The following MASP2 variants were observed in gnomAD, a reference collection of about 807,000 sequenced individuals.
MASP2 encodes the protein mannan-binding lectin serine protease 2.
A neutral mutation model predicts 57.1 loss-of-function variants in MASP2; 49 were observed. That is an observed-to-expected ratio of 0.86 (90% confidence interval 0.68 to 1.09). MASP2 has a LOEUF of 1.09. MASP2 is among the 50% of genes least tolerant of loss of function. The probability of loss-of-function intolerance (pLI) is 0.00; values close to 1 mark genes in which losing one functional copy is unlikely to be tolerated. For synonymous variants in MASP2, 379 were observed against 340.8 expected (o/e 1.11, Z -1.24); for missense variants, 900 against 874.8 (o/e 1.03, Z -0.36).
At chr1:11,041,631 A>G (rs1638443511) in intron 6 of MASP2, among the ~76,000 whole-genome samples, 1 of 147,460 alleles carries the variant, frequency 6.8e-6, no homozygotes, top group Non-Finnish European at 1.5e-5. Flanking sequence ...GGATGGATGG[A>G]TGGATGGAAT....
intron 3 of MASP2, chr1:11,046,197 GA>G (rs1398580202): frequency 2.9e-6 from 1 of 347,870 alleles, no homozygotes; most frequent in Non-Finnish European, 5.6e-6. Flanking sequence ...AGTTTTAGTG[GA>G]GATAGAGTTT....
chr1:11,029,967 A>T (rs1643814377), intron 10 of MASP2: 1 of 469,326 alleles, frequency 2.1e-6, no homozygotes, highest in Admixed American at 4.0e-5. Flanking sequence ...AAGGTCAAAG[A>T]GAATCAAATG....
intron 4 of MASP2, chr1:11,045,036 G>A (rs1426237402): frequency 7.3e-7 from 1 of 1,369,112 alleles, no homozygotes. Context: ...GCCAGCAGGT[G>A]GGGCTGCCCA....
At chr1:11,036,605 T>C (rs1027408955) in intron 7 of MASP2, among the ~76,000 whole-genome samples, 1 of 149,148 alleles carries the variant, frequency 6.7e-6, no homozygotes, top group African/African-American at 2.5e-5. Context: ...CACAAGAAGT[T>C]TGCAAGGTGG....
intron 7 of MASP2, among the ~76,000 whole-genome samples, chr1:11,036,721 C>A (rs1045509270): frequency 4.7e-5 from 7 of 150,474 alleles, no homozygotes; most frequent in African/African-American, 9.8e-5. Context: ...ACTGGGATTC[C>A]ATGACAATTT....
intron 8 of MASP2, among the ~76,000 whole-genome samples, chr1:11,031,894 TAGAG>T (rs1460956388): frequency 3.3e-5 from 5 of 152,008 alleles, no homozygotes; most frequent in African/African-American, 7.2e-5. Flanking sequence ...GCCTGGGTGA[TAGAG>T]ACTTTGTCTC....
At chr1:11,039,017 T>TACTCTTCTGCCACCTAGA (rs113332302) in intron 6 of MASP2, among the ~76,000 whole-genome samples, 6 of 152,120 alleles carry the variant, frequency 3.9e-5, no homozygotes, top group Admixed American at 6.5e-5. Context: ...CTTTTGCACA[T>TACTCTTCTGCCACCTAGA]ACTCTTCTGC....
At chr1:11,044,683 C>T in intron 4 of MASP2, 2 of 978,424 alleles carry the variant, frequency 2.0e-6, no homozygotes, top group Admixed American at 2.8e-5. Flanking sequence ...GCCTGTGGCC[C>T]CATGGAGGAG....
intron 10 of MASP2, 142 bp from the exon 11 acceptor site, chr1:11,027,790 C>T (rs1393477559): frequency 1.3e-6 from 1 of 752,534 alleles, no homozygotes; most frequent in African/African-American, 1.8e-5. Flanking sequence ...CCTATACAGG[C>T]AAGTGAGGCT....
intron 4 of MASP2, chr1:11,045,188 G>A (rs1638590099): frequency 1.3e-6 from 1 of 780,730 alleles, no homozygotes; most frequent in Non-Finnish European, 2.2e-6. Context: ...ACAGTGGGAT[G>A]TTAGAATTAG....
rs147877501 is a variant in MASP2, at chr1:11,037,707, A to G, written c.994T>C (p.Tyr332His). 4 of 1,610,334 alleles carry G rather than the reference A, an allele frequency of 2.5e-6. No individual in the cohort carries two copies. The highest frequency in any genetic ancestry group is 3.4e-6 in the Non-Finnish European group (4 of 1,178,366). ...DSFSIFCETGYELLQGHLPLK... is the reference protein window; with the variant it reads ...DSFSIFCETGHELLQGHLPLK... Reference sequence around the variant, plus strand: ...TTTTAACTCACTTGCAGAAGCTCATAGCCAGTCTCGCAAAAGATGGAGAAG... The same window carrying G: ...TTTTAACTCACTTGCAGAAGCTCATGGCCAGTCTCGCAAAAGATGGAGAAG... Residue 332 changes from tyrosine to histidine, a missense_variant, in exon 7 of 11, where the codon TAT becomes CAT. Tyr to His is a moderately conservative substitution (Grantham distance 83). Transcript: ENST00000400897.
chr1:11,028,547 A>G (rs1643778372), intron 10 of MASP2, among the ~76,000 whole-genome samples: 1 of 152,172 alleles, frequency 6.6e-6, no homozygotes, highest in Admixed American at 6.5e-5. Flanking sequence ...TGCAAATTAA[A>G]TACGCCCATT....
chr1:11,032,484 G>A (rs1008863739), intron 8 of MASP2, among the ~76,000 whole-genome samples: 1 of 151,814 alleles, frequency 6.6e-6, no homozygotes, highest in Admixed American at 6.6e-5. Flanking sequence ...GGTGGCGGGC[G>A]CCTGTAATCC....
rs147101356 is a variant in MASP2 at position 11,030,821 on chromosome 1, A to G, written c.1149T>C (p.Pro383=). ...PSGRVEYITG[P]GVTTYKAVIQ... ...TCACAGCTTTGTAGGTGGTCACTCC[A>G]GGACCTGTGATGTACTCCACTCGGC... Residue 383 remains proline (P), a synonymous_variant, in exon 9 of 11, where the codon CCT becomes CCC. Transcript: ENST00000400897. 8.2e-5 allele frequency: 133 copies of G among 1,613,898 alleles called. No homozygotes were observed. In the African/African-American group the frequency reaches 1.5e-3, roughly 18 times the overall value.
Position 11,042,723 on chromosome 1 carries a change from A to G in MASP2, c.889+152T>C, listed in dbSNP as rs1638498777. On this transcript the variant is annotated intron_variant, in intron 6 of 10. Coordinates refer to ENST00000400897, the MANE Select transcript of MASP2 (RefSeq NM_006610.4). ...AGGGACAGCGGGTGCTTCCCCTTAG[A>G]AGACTGCTGCCTCAGACCTCAGACA... 2.2e-5 allele frequency: 18 copies of G among 836,108 alleles called. No individual in the cohort carries two copies. The South Asian group carries it at 3.6e-4, about 17-fold the overall frequency. The allele number at this position is 836,108 out of a possible 1,614,324, so 51.8% of individuals were successfully genotyped here.
At position 11,038,283 on chromosome 1, in the gene MASP2, G is replaced by A. The variant is rs551981796; in HGVS notation, c.890-472C>T. Among the ~76,000 whole-genome samples the A allele has an allele frequency of 3.7e-4, 57 of 152,292 alleles. No homozygotes were observed. The South Asian group carries it at 8.1e-3, about 22-fold the overall frequency. ...ATCTGCAAGATGGGGGGCGGTTGAC[G>A]ATAATAGTTGCCCCAGGGCTGTTGT... On this transcript the variant is annotated intron_variant, in intron 6 of 10. Transcript: ENST00000400897.
chr1:11,028,635 T>C (rs1643780069), intron 10 of MASP2, among the ~76,000 whole-genome samples: 1 of 152,080 alleles, frequency 6.6e-6, no homozygotes, highest in Non-Finnish European at 1.5e-5. Flanking sequence ...CAAATACAGG[T>C]TTAAAAAAAC....
At chr1:11,036,694 T>C (rs1025050590) in intron 7 of MASP2, among the ~76,000 whole-genome samples, 32 of 148,004 alleles carry the variant, frequency 2.2e-4, no homozygotes, top group Admixed American at 2.0e-4. Flanking sequence ...ATCGTTCCAA[T>C]GTTATTACTT....
intron 6 of MASP2, among the ~76,000 whole-genome samples, chr1:11,039,495 A>C (rs1044853066): frequency 8.2e-6 from 1 of 121,312 alleles, no homozygotes; most frequent in Non-Finnish European, 1.8e-5. Context: ...GAATGGCTGG[A>C]AGGATGGATG....
Sources: allele counts gnomAD v4.1 joint callset (sites outside exome capture counted in the v4.1 genomes callset), GRCh38; gene constraint gnomAD v4.1.1; transcripts MANE v1.5; gene names NCBI Gene and HGNC (gene_info 2026-07-23, HGNC 2026-07-21).